Variants in SPAG16 observed in about 807,000 individuals in gnomAD.
SPAG16 encodes the protein sperm-associated antigen 16 protein.
SPAG16 carries 86 observed loss-of-function variants against 80.4 expected under a neutral mutation model. That is an observed-to-expected ratio of 1.07 (90% CI 0.90 to 1.28). SPAG16 has a LOEUF of 1.28. Ranked by LOEUF, SPAG16 falls within the 50% of genes most tolerant of loss-of-function variation. SPAG16 has a pLI of 0.00. For synonymous variants in SPAG16, 294 were observed against 265.9 expected (o/e 1.11, Z -1.03); for missense variants, 870 against 765.3 (o/e 1.14, Z -1.61).
Position 213,805,491 on chromosome 2 carries a change from T to C in SPAG16, c.1071-56994T>C, listed in dbSNP as rs952958289. On this transcript the variant is annotated intron_variant, in intron 10 of 15. Coordinates refer to ENST00000331683, the MANE Select transcript of SPAG16 (RefSeq NM_024532.5). ...GCTTCAGAGAACCAACCAAGGCCAA[T>C]AGAGATAAGATACAGGGAAGTACCT... Among the ~76,000 whole-genome samples, 13 of 152,222 alleles carry C rather than the reference T, an allele frequency of 8.5e-5. 1 individual carries two copies. The highest frequency in any genetic ancestry group is 3.4e-3 in the Middle Eastern group (1 of 294).
chr2:214,149,152 G>A lies in SPAG16; in HGVS notation c.1606G>A (p.Ala536Thr), dbSNP rs776468203. 4.5e-6 allele frequency: 7 copies of A among 1,561,314 alleles called. No individual in the cohort carries two copies. Among genetic ancestry groups the A allele is most frequent in the Non-Finnish European group, 6.1e-6 (7 of 1,152,960 alleles). Reference protein sequence around the residue: ...AIFDPRGHMIASCDACGVTKL... With the variant: ...AIFDPRGHMITSCDACGVTKL... Reference sequence around the variant, plus strand: ...TTATATTTTGAAGGGTCACATGATAGCATCCTGTGATGCCTGTGGGGTTAC... The same window carrying A: ...TTATATTTTGAAGGGTCACATGATAACATCCTGTGATGCCTGTGGGGTTAC... Residue 536 changes from alanine to threonine, a missense_variant, in exon 15 of 16, where the codon GCA becomes ACA. Physicochemically the swap from Ala to Thr is moderately conservative, Grantham distance 58. Coordinates refer to ENST00000331683, the MANE Select transcript of SPAG16 (RefSeq NM_024532.5).
intron 10 of SPAG16, among the ~76,000 whole-genome samples, chr2:213,750,827 A>G (rs1173436209): frequency 6.6e-6 from 1 of 152,210 alleles, no homozygotes; most frequent in Non-Finnish European, 1.5e-5. Flanking sequence ...ATATCTGTAG[A>G]GTGTCTTACC....
chr2:214,239,573 A>G (rs1042018705), intron 15 of SPAG16: 1 of 152,140 alleles, frequency 6.6e-6, no homozygotes, highest in Non-Finnish European at 1.5e-5. Context: ...TAAAGTATGT[A>G]TATTAAGACT....
chr2:213,524,678 C>T (rs1351955934), intron 10 of SPAG16, among the ~76,000 whole-genome samples: 1 of 152,184 alleles, frequency 6.6e-6, no homozygotes, highest in Non-Finnish European at 1.5e-5. Context: ...GGATTTCGGA[C>T]TTGCATGGGG....
At chr2:214,299,397 A>G (rs995200595) in intron 15 of SPAG16, among the ~76,000 whole-genome samples, 5 of 151,776 alleles carry the variant, frequency 3.3e-5, no homozygotes, top group African/African-American at 9.7e-5. Context: ...CTATAGGTGC[A>G]TGCCACCATG....
chr2:214,047,956 C>T (rs548766653), intron 13 of SPAG16, among the ~76,000 whole-genome samples: 9 of 152,248 alleles, frequency 5.9e-5, no homozygotes, highest in Admixed American at 5.2e-4. Flanking sequence ...CATCATTGAT[C>T]TTCACAGAAG....
At chr2:214,277,345 C>T (rs367625433) in intron 15 of SPAG16, among the ~76,000 whole-genome samples, 17 of 152,162 alleles carry the variant, frequency 1.1e-4, no homozygotes, top group Middle Eastern at 3.4e-3. Context: ...TGAGGAGCTG[C>T]GATAATTTGG....
intron 14 of SPAG16, 130 bp from the exon 15 acceptor site, chr2:214,149,010 C>G: frequency 3.8e-6 from 1 of 266,562 alleles, no homozygotes; most frequent in Non-Finnish European, 6.3e-6. Flanking sequence ...TACCTTTTGT[C>G]TATAGGTTAC....
chr2:213,566,217 C>G (rs978614963), intron 10 of SPAG16, among the ~76,000 whole-genome samples: 1 of 152,054 alleles, frequency 6.6e-6, no homozygotes, highest in African/African-American at 2.4e-5. Flanking sequence ...GAGGAATTAT[C>G]CAAATTGGAT....
intron 7 of SPAG16, among the ~76,000 whole-genome samples, chr2:213,351,982 A>G (rs1277311427): frequency 6.6e-6 from 1 of 151,942 alleles, no homozygotes; most frequent in Non-Finnish European, 1.5e-5. Flanking sequence ...CTCCCATGCT[A>G]TTCTCATGAT....
intron 1 of SPAG16, among the ~76,000 whole-genome samples, chr2:213,286,986 TCTC>T (rs2062078664): frequency 1.3e-5 from 2 of 152,320 alleles, no homozygotes; most frequent in East Asian, 1.9e-4. Flanking sequence ...TTCCCTGTAA[TCTC>T]CTAGCTGTAA....
At chr2:213,963,534 T>C (rs557335062) in intron 12 of SPAG16, among the ~76,000 whole-genome samples, 1 of 152,162 alleles carries the variant, frequency 6.6e-6, no homozygotes, top group Non-Finnish European at 1.5e-5. Flanking sequence ...TCTATAGATA[T>C]GTTAGTTCTA....
intron 12 of SPAG16, among the ~76,000 whole-genome samples, chr2:214,004,952 T>C (rs981166589): frequency 6.6e-6 from 1 of 152,202 alleles, no homozygotes; most frequent in Non-Finnish European, 1.5e-5. Flanking sequence ...GGGTCGACCG[T>C]ATTTTCACAT....
At chr2:214,142,421 T>C (rs143621172) in intron 14 of SPAG16, among the ~76,000 whole-genome samples, 1 of 152,198 alleles carries the variant, frequency 6.6e-6, no homozygotes, top group Non-Finnish European at 1.5e-5. Flanking sequence ...TAGCTTTAGA[T>C]CTCCTTGCAT....
Position 213,528,224 on chromosome 2 carries a change from T to C in SPAG16, c.1070+38134T>C, listed in dbSNP as rs376188074. ...ATTTTCAGGATAGGTGAAACTCCAA[T>C]ATTATGTTTGCAATTTAGAGAAAAA... On this transcript the variant is annotated intron_variant, in intron 10 of 15. Coordinates refer to ENST00000331683, the MANE Select transcript of SPAG16 (RefSeq NM_024532.5). Among the ~76,000 whole-genome samples the C allele has an allele frequency of 1.9e-3, 283 of 152,232 alleles. 2 individuals are homozygous for C. Among genetic ancestry groups the C allele is most frequent in the African/African-American group, 6.6e-3 (275 of 41,548 alleles).
chr2:213,799,879 A>T (rs2071271932), intron 10 of SPAG16, among the ~76,000 whole-genome samples: 1 of 152,024 alleles, frequency 6.6e-6, no homozygotes, highest in African/African-American at 2.4e-5. Context: ...CAACAAAATC[A>T]GCAATGCTAT....
Position 214,000,166 on chromosome 2 carries a change from TC to T in SPAG16, c.1401-13784del, listed in dbSNP as rs201086726. Among the ~76,000 whole-genome samples, 1,496 of 152,224 alleles carry T rather than the reference TC, an allele frequency of 9.8e-3. 24 individuals are homozygous for T. Among genetic ancestry groups the T allele is most frequent in the African/African-American group, 0.034 (1,429 of 41,538 alleles). ...GTTTGGCTCTGTGTCCCCACCCACATCTCATCTTGAATTGTACTCCCATAAT... is the reference window on the plus strand; with the variant it reads ...GTTTGGCTCTGTGTCCCCACCCACATTCATCTTGAATTGTACTCCCATAAT... On this transcript the variant is annotated intron_variant, in intron 12 of 15. Coordinates refer to ENST00000331683, the MANE Select transcript of SPAG16 (RefSeq NM_024532.5).
intron 10 of SPAG16, among the ~76,000 whole-genome samples, chr2:213,611,433 A>C (rs1257281564): frequency 1.3e-5 from 2 of 152,206 alleles, no homozygotes; most frequent in Non-Finnish European, 2.9e-5. Flanking sequence ...AAATAAATTT[A>C]ATGGTTACCA....
intron 3 of SPAG16, among the ~76,000 whole-genome samples, chr2:213,303,956 C>T (rs1575131512): frequency 1.3e-5 from 2 of 152,094 alleles, no homozygotes; most frequent in East Asian, 3.9e-4. Context: ...TGGGGAACAT[C>T]TAACCTGTTC....
Sources: allele counts gnomAD v4.1 joint callset (sites outside exome capture counted in the v4.1 genomes callset), GRCh38; gene constraint gnomAD v4.1.1; transcripts MANE v1.5; gene names NCBI Gene and HGNC (gene_info 2026-07-23, HGNC 2026-07-21).